KCNMA1: variants seen among roughly 807,000 people sequenced by gnomAD.
KCNMA1 encodes the protein Calcium-activated potassium channel subunit alpha-1.
In KCNMA1, 29 loss-of-function variants were observed where a neutral mutation model predicts 140.0. That is an observed-to-expected ratio of 0.21 (90% CI 0.15 to 0.28). KCNMA1 has a LOEUF of 0.28. Among genes scored for constraint, KCNMA1 ranks in the 10% least tolerant of loss-of-function variants. The pLI, the probability that KCNMA1 is intolerant of heterozygous loss-of-function variation, is 1.00. For synonymous variants in KCNMA1, 612 were observed against 611.9 expected (o/e 1.00, Z 0.00); for missense variants, 880 against 1,602.2 (o/e 0.55, Z 7.70).
At chr10:77,446,073 ATCCCTGAAACCTCTC>A (rs567234219) in intron 1 of KCNMA1, among the ~76,000 whole-genome samples, 403 of 151,564 alleles carry the variant, frequency 2.7e-3, no homozygotes, top group African/African-American at 8.7e-3. Context: ...CTGGACCCTA[ATCCCTGAAACCTCTC>A]TCCCTGAAAC....
intron 2 of KCNMA1, among the ~76,000 whole-genome samples, chr10:77,268,616 C>T (rs868293901): frequency 9.9e-5 from 15 of 152,008 alleles, no homozygotes; most frequent in African/African-American, 2.7e-4. Context: ...AAGTGGCATC[C>T]GCAGGCTTCT....
At chr10:77,056,244 G>A (rs1177986597) in intron 14 of KCNMA1, among the ~76,000 whole-genome samples, 1 of 152,148 alleles carries the variant, frequency 6.6e-6, no homozygotes, top group Non-Finnish European at 1.5e-5. Flanking sequence ...GCCAGGCGTG[G>A]TGGTGGGCAC....
At chr10:77,488,897 A>G (rs961970828) in intron 1 of KCNMA1, among the ~76,000 whole-genome samples, 4 of 152,240 alleles carry the variant, frequency 2.6e-5, no homozygotes, top group Non-Finnish European at 1.5e-5. Flanking sequence ...TGTTATAAAA[A>G]GGGACAGTTT....
In KCNMA1 at chr10:77,633,054, C is replaced by T. The variant is rs572369606; in HGVS notation, c.378+4211G>A. On this transcript the variant is annotated intron_variant, in intron 1 of 27. Transcript: ENST00000286628. ...GCCAGGGGCTGGACGCCGTGCCTCA[C>T]GCCTGTAATCCCAGCACTTTGGGAG... is the stretch of plus-strand genomic sequence containing the variant. 1.2e-4 allele frequency among the ~76,000 whole-genome samples: 18 copies of T among 152,322 alleles called. 1 individual carries two copies. The South Asian group carries it at 1.5e-3, about 12-fold the overall frequency.
intron 5 of KCNMA1, among the ~76,000 whole-genome samples, chr10:77,157,076 C>T (rs1399512476): frequency 6.6e-6 from 1 of 152,180 alleles, no homozygotes; most frequent in Non-Finnish European, 1.5e-5. Flanking sequence ...TTACTTTTGT[C>T]TGTGCAGCAG....
At chr10:77,317,205 G>A (rs758415475) in intron 2 of KCNMA1, among the ~76,000 whole-genome samples, 19 of 152,184 alleles carry the variant, frequency 1.2e-4, no homozygotes, top group South Asian at 4.1e-4. Flanking sequence ...GGCCTTGAAG[G>A]GTCTTTCCAC....
At chr10:77,506,702 T>G (rs1391458243) in intron 1 of KCNMA1, among the ~76,000 whole-genome samples, 12 of 58,302 alleles carry the variant, frequency 2.1e-4, no homozygotes, top group African/African-American at 5.9e-4. Context: ...GAAAGAGAGA[T>G]GTTCCGAGAG....
At chr10:77,224,726 G>A (rs1281773131) in intron 3 of KCNMA1, among the ~76,000 whole-genome samples, 1 of 152,154 alleles carries the variant, frequency 6.6e-6, no homozygotes, top group Non-Finnish European at 1.5e-5. Flanking sequence ...AGATCTTGGA[G>A]GTGTCACCCA....
At chr10:77,237,261 G>C (rs1381452900) in intron 3 of KCNMA1, among the ~76,000 whole-genome samples, 1 of 152,118 alleles carries the variant, frequency 6.6e-6, no homozygotes, top group Non-Finnish European at 1.5e-5. Flanking sequence ...ACTACTATCA[G>C]GTAGGTATTA....
At chr10:76,954,018 A>C in intron 20 of KCNMA1, 94 bp from the exon 21 acceptor site, 1 of 1,379,544 alleles carries the variant, frequency 7.2e-7, no homozygotes, top group Non-Finnish European at 1.0e-6. Flanking sequence ...GATGTGAAAG[A>C]TGCAGAGGAA....
chr10:77,507,887 TC>T (rs2046723515), intron 1 of KCNMA1, among the ~76,000 whole-genome samples: 2 of 152,220 alleles, frequency 1.3e-5, no homozygotes, highest in African/African-American at 4.8e-5. Context: ...AAGAAACAAG[TC>T]TGTGATGTAA....
chr10:77,006,707 G>A (rs2088825023), intron 18 of KCNMA1, among the ~76,000 whole-genome samples: 1 of 152,212 alleles, frequency 6.6e-6, no homozygotes, highest in African/African-American at 2.4e-5. Flanking sequence ...TGTGGCTGAG[G>A]AAGGCAGAAG....
At chr10:77,038,939 G>A (rs2094495646) in intron 15 of KCNMA1, among the ~76,000 whole-genome samples, 1 of 152,158 alleles carries the variant, frequency 6.6e-6, no homozygotes, top group Non-Finnish European at 1.5e-5. Flanking sequence ...CATGGCGGGT[G>A]GCTTTGATCC....
At chr10:77,520,013 AGGGCTG>A in intron 1 of KCNMA1, among the ~76,000 whole-genome samples, 2 of 87,656 alleles carry the variant, frequency 2.3e-5, no homozygotes, top group Admixed American at 1.2e-4. Flanking sequence ...ATGCAGTGTG[AGGGCTG>A]GGGTATGCAG....
chr10:77,386,785 A>C (rs1458323748), intron 2 of KCNMA1, among the ~76,000 whole-genome samples: 1 of 152,246 alleles, frequency 6.6e-6, no homozygotes, highest in African/African-American at 2.4e-5. Flanking sequence ...GCAGGCTTTT[A>C]AATTCAAGTC....
chr10:77,004,213 C>CCACACA (rs35789536), intron 18 of KCNMA1, among the ~76,000 whole-genome samples: 4,357 of 144,400 alleles, frequency 0.03, 143 homozygotes, highest in African/African-American at 0.079. Flanking sequence ...ACAAGTGCCA[C>CCACACA]CACACACACA....
At chr10:77,252,559 G>C (rs565460279) in intron 2 of KCNMA1, among the ~76,000 whole-genome samples, 1 of 151,674 alleles carries the variant, frequency 6.6e-6, no homozygotes, top group African/African-American at 2.4e-5. Context: ...GTGTGTGTGC[G>C]GGCACGTGTG....
intron 2 of KCNMA1, among the ~76,000 whole-genome samples, chr10:77,388,947 A>G (rs1042061039): frequency 9.9e-5 from 15 of 152,212 alleles, no homozygotes; most frequent in African/African-American, 3.1e-4. Context: ...ACTCTGGGGA[A>G]AACAACCAGA....
At chr10:76,914,182 A>G (rs2051651889) in intron 24 of KCNMA1, 1 of 1,364,540 alleles carries the variant, frequency 7.3e-7, no homozygotes, top group Admixed American at 2.0e-5. Context: ...GGAGTGGAGG[A>G]AAGTACAGAA....
Sources: allele counts gnomAD v4.1 joint callset (sites outside exome capture counted in the v4.1 genomes callset), GRCh38; gene constraint gnomAD v4.1.1; transcripts MANE v1.5; gene names NCBI Gene and HGNC (gene_info 2026-07-23, HGNC 2026-07-21).